DRC8: variants seen among roughly 807,000 people sequenced by gnomAD.
DRC8 encodes dynein regulatory complex subunit 8.
At chr1:245,085,644 G>A in the DRC8 span, among the ~76,000 whole-genome samples, 11 of 152,202 alleles carry the variant, frequency 7.2e-5, no homozygotes, top group Non-Finnish European at 1.3e-4. Flanking sequence ...TCCTGTGGGC[G>A]ATGGAGAAGT....
At chr1:245,092,778 G>A in the DRC8 span, among the ~76,000 whole-genome samples, 8 of 152,258 alleles carry the variant, frequency 5.3e-5, no homozygotes, top group East Asian at 7.7e-4. Flanking sequence ...TACTGATTAC[G>A]TAATTGGCCC....
chr1:245,107,904 G>A, the DRC8 span, among the ~76,000 whole-genome samples: 2 of 151,976 alleles, frequency 1.3e-5, no homozygotes, highest in African/African-American at 2.4e-5. Context: ...CCTCGTCACC[G>A]CTCTCAGAAG....
the DRC8 span, among the ~76,000 whole-genome samples, chr1:245,121,731 A>G: frequency 1.6e-4 from 24 of 152,128 alleles, no homozygotes; most frequent in Admixed American, 1.2e-3. Flanking sequence ...GCGTCAGCAA[A>G]TATCTCCCGC....
At chr1:245,015,428 C>T in the DRC8 span, among the ~76,000 whole-genome samples, 2 of 152,084 alleles carry the variant, frequency 1.3e-5, no homozygotes, top group Non-Finnish European at 2.9e-5. Context: ...TATCCAGAAT[C>T]TGCCGGGCGC....
chr1:244,978,460 CAG>C, the DRC8 span, among the ~76,000 whole-genome samples: 1 of 147,560 alleles, frequency 6.8e-6, no homozygotes, highest in Admixed American at 6.9e-5. Flanking sequence ...CATTTTACTC[CAG>C]CCTAGGCAAC....
chr1:245,004,317 T>A, the DRC8 span, among the ~76,000 whole-genome samples: 1 of 152,264 alleles, frequency 6.6e-6, no homozygotes, highest in South Asian at 2.1e-4. Context: ...CTTTAGGAAT[T>A]TGTATTCTAC....
At chr1:245,043,715 G>A in the DRC8 span, among the ~76,000 whole-genome samples, 2 of 152,150 alleles carry the variant, frequency 1.3e-5, no homozygotes, top group African/African-American at 2.4e-5. Flanking sequence ...AGATGAACCC[G>A]TGCAGGGACG....
At chr1:245,025,644 G>A in the DRC8 span, among the ~76,000 whole-genome samples, 38 of 152,054 alleles carry the variant, frequency 2.5e-4, no homozygotes, top group African/African-American at 7.7e-4. Context: ...TTTACAGTGC[G>A]ACCTTATTTT....
chr1:245,050,914 G>T, the DRC8 span, among the ~76,000 whole-genome samples: 20 of 152,062 alleles, frequency 1.3e-4, no homozygotes, highest in African/African-American at 4.3e-4. Context: ...GTTTCACTCT[G>T]TTGCCTAGGC....
chr1:245,042,039 T>G, the DRC8 span, among the ~76,000 whole-genome samples: 1 of 152,334 alleles, frequency 6.6e-6, no homozygotes, highest in East Asian at 1.9e-4. Context: ...ATGGTGCTGA[T>G]CTCTTCATTG....
At chr1:245,049,740 G>T in the DRC8 span, among the ~76,000 whole-genome samples, 1 of 152,150 alleles carries the variant, frequency 6.6e-6, no homozygotes, top group African/African-American at 2.4e-5. This position sits in a 1 kb window ranked among gnomAD's most constrained non-coding sequence, Gnocchi z 4.5. Flanking sequence ...GAAGCACTGT[G>T]GTATAGTTCA....
chr1:245,045,059 G>A, the DRC8 span, among the ~76,000 whole-genome samples: 8 of 152,232 alleles, frequency 5.3e-5, no homozygotes, highest in Non-Finnish European at 8.8e-5. Flanking sequence ...CCAGGCTGCC[G>A]TGTGATGGCA....
chr1:244,990,626 C>T, the DRC8 span, among the ~76,000 whole-genome samples: 21 of 152,102 alleles, frequency 1.4e-4, no homozygotes, highest in Admixed American at 1.4e-3. Flanking sequence ...GTCACTATGA[C>T]ATAGCCCCAT....
chr1:245,068,483 C>G, the DRC8 span, among the ~76,000 whole-genome samples: 3 of 152,008 alleles, frequency 2.0e-5, no homozygotes, highest in African/African-American at 7.3e-5. Flanking sequence ...ACTCTGTTAC[C>G]CAGGCTGGAG....
At chr1:244,975,152 G>C in the DRC8 span, among the ~76,000 whole-genome samples, 25 of 152,014 alleles carry the variant, frequency 1.6e-4, no homozygotes, top group Non-Finnish European at 3.1e-4. Flanking sequence ...GGATGGTCTC[G>C]ATCTCCTGAC....
chr1:245,026,242 T>C, the DRC8 span, among the ~76,000 whole-genome samples: 1 of 152,206 alleles, frequency 6.6e-6, no homozygotes, highest in East Asian at 1.9e-4. Flanking sequence ...TAGGGAGACT[T>C]CAGCTTCGTT....
chr1:244,981,307 C>A, the DRC8 span, among the ~76,000 whole-genome samples: 1 of 151,722 alleles, frequency 6.6e-6, no homozygotes, highest in South Asian at 2.1e-4. Flanking sequence ...AGATTGAAAG[C>A]ACAATTGCAA....
At chr1:245,065,697 T>C in the DRC8 span, among the ~76,000 whole-genome samples, 1 of 152,086 alleles carries the variant, frequency 6.6e-6, no homozygotes, top group African/African-American at 2.4e-5. Flanking sequence ...AACACATGCA[T>C]GGAACTTGTC....
At chr1:245,024,339 C>T in the DRC8 span, among the ~76,000 whole-genome samples, 1 of 151,910 alleles carries the variant, frequency 6.6e-6, no homozygotes, top group African/African-American at 2.4e-5. Context: ...AACTTTTTCT[C>T]GGTAAATTAT....
Sources: allele counts gnomAD v4.1 joint callset (sites outside exome capture counted in the v4.1 genomes callset), GRCh38; gene constraint gnomAD v4.1.1; non-coding constraint Gnocchi (gnomAD v3.1); transcripts MANE v1.5; gene names NCBI Gene and HGNC (gene_info 2026-07-23, HGNC 2026-07-21).